The following IQCH variants were observed in gnomAD, a reference collection of about 807,000 sequenced individuals.
The protein encoded by IQCH is IQ motif containing H, also known as IQ domain-containing protein H.
IQCH carries 98 observed loss-of-function variants against 117.0 expected under a neutral mutation model. The observed-to-expected ratio is 0.84, with a 90% CI of 0.71 to 0.99. IQCH has a LOEUF of 0.99. Among genes scored for constraint, IQCH ranks in the 50% least tolerant of loss-of-function variants. IQCH has a pLI of 0.00. For synonymous variants in IQCH, 412 were observed against 448.2 expected, an observed-to-expected ratio of 0.92 and a Z score of 1.02; for missense variants, 1,102 against 1,243.8, an observed-to-expected ratio of 0.89 and a Z score of 1.72.
chr15:67,302,517 A>G (rs1967096488), intron 4 of IQCH, among the ~76,000 whole-genome samples: 2 of 152,166 alleles, frequency 1.3e-5, no homozygotes, highest in South Asian at 4.1e-4. Context: ...CCTTGCCCAG[A>G]TTAAATAAAG....
chr15:67,328,639 A>G (rs1968520063), intron 4 of IQCH, among the ~76,000 whole-genome samples: 1 of 152,196 alleles, frequency 6.6e-6, no homozygotes, highest in Admixed American at 6.5e-5. Flanking sequence ...AGAAATGCAA[A>G]AAAGTGCTAG....
intron 10 of IQCH, among the ~76,000 whole-genome samples, chr15:67,379,708 C>T (rs1256093742): frequency 2.0e-5 from 3 of 152,184 alleles, no homozygotes; most frequent in Admixed American, 1.3e-4. Context: ...CACTTCCCCC[C>T]TCATTCACTG....
chr15:67,489,886 G>T, intron 18 of IQCH, 117 bp from the exon 19 acceptor site: 1 of 787,448 alleles, frequency 1.3e-6, no homozygotes. Context: ...ATATCTGAAG[G>T]TAGCTCTAGA....
chr15:67,275,630 C>A (rs1966090181), intron 3 of IQCH, among the ~76,000 whole-genome samples: 2 of 152,200 alleles, frequency 1.3e-5, no homozygotes, highest in South Asian at 4.2e-4. Context: ...GTAATCTCAG[C>A]ACTTTGGGAG....
chr15:67,339,528 T>C (rs1969046904), intron 5 of IQCH, among the ~76,000 whole-genome samples: 1 of 152,184 alleles, frequency 6.6e-6, no homozygotes, highest in South Asian at 2.1e-4. Context: ...ATAAGAATTA[T>C]TTGCATTATG....
intron 4 of IQCH, among the ~76,000 whole-genome samples, chr15:67,324,566 C>G (rs1968313198): frequency 1.4e-5 from 2 of 146,464 alleles, no homozygotes; most frequent in Non-Finnish European, 3.0e-5. Context: ...GCAAAGATAG[C>G]TCCATTGCAC....
At chr15:67,374,890 C>A (rs1771314828) in intron 10 of IQCH, among the ~76,000 whole-genome samples, 1 of 152,168 alleles carries the variant, frequency 6.6e-6, no homozygotes, top group Admixed American at 6.5e-5. Context: ...AATTGTGGAC[C>A]AGACCTGATA....
Position 67,463,120 on chromosome 15 carries a change from T to G in IQCH, c.2506-2007T>G, listed in dbSNP as rs879838599. ...TACTCAAGTCACTCACTGCTAGATT[T>G]GTTTGACAGGAGTCCACTCTAGGGC... On this transcript the variant is annotated intron_variant, in intron 16 of 20. Transcript: ENST00000335894. The surrounding 1 kb of genome is among the most constrained non-coding windows in gnomAD (Gnocchi z 4.0). Among the ~76,000 whole-genome samples the G allele has an allele frequency of 1.3e-5, 2 of 152,234 alleles. No individual in the cohort carries two copies. The highest frequency in any genetic ancestry group is 1.3e-4 in the Admixed American group (2 of 15,280).
At chr15:67,470,000 A>C (rs2083028378) in intron 17 of IQCH, among the ~76,000 whole-genome samples, 1 of 152,180 alleles carries the variant, frequency 6.6e-6, no homozygotes, top group Non-Finnish European at 1.5e-5. Flanking sequence ...GGCCATAGAG[A>C]AAGCTCTTCT....
At chr15:67,487,269 G>A (rs1008222146) in intron 18 of IQCH, among the ~76,000 whole-genome samples, 2 of 152,142 alleles carry the variant, frequency 1.3e-5, no homozygotes, top group Non-Finnish European at 2.9e-5. Flanking sequence ...GGAGGTAGAG[G>A]TTGCAGTGAG....
chr15:67,318,585 G>A (rs1246708723), intron 4 of IQCH, among the ~76,000 whole-genome samples: 4 of 152,020 alleles, frequency 2.6e-5, no homozygotes, highest in East Asian at 3.8e-4. Flanking sequence ...TAGGCAAAAG[G>A]CCTCTTTTTT....
chr15:67,398,036 C>T (rs1312145307), intron 13 of IQCH, among the ~76,000 whole-genome samples: 2 of 152,124 alleles, frequency 1.3e-5, no homozygotes, highest in Non-Finnish European at 2.9e-5. Context: ...GCAATCTTTA[C>T]AATACTATTG....
rs565313482 is a variant in IQCH at position 67,493,678 on chromosome 15, C to T, written c.2862-580C>T. 1.8e-4 allele frequency among the ~76,000 whole-genome samples: 27 copies of T among 152,266 alleles called. No individual in the cohort carries two copies. Among genetic ancestry groups the T allele is most frequent in the African/African-American group, 5.8e-4 (24 of 41,544 alleles). ...TAAACCATTTTTTTTAATTATTATA[C>T]TTTAAGTTATAGGGTACATGTGCAC... On this transcript the variant is annotated intron_variant, in intron 19 of 20. Coordinates refer to ENST00000335894, the MANE Select transcript of IQCH (RefSeq NM_001031715.3). The surrounding 1 kb of genome is among the most constrained non-coding windows in gnomAD (Gnocchi z 5.1).
chr15:67,354,737 C>T (rs774895293), intron 6 of IQCH, among the ~76,000 whole-genome samples: 14 of 152,264 alleles, frequency 9.2e-5, no homozygotes, highest in South Asian at 6.2e-4. Flanking sequence ...GAATTTGTCT[C>T]GTACACAAGA....
At chr15:67,409,126 A>C (rs2081378738) in intron 14 of IQCH, among the ~76,000 whole-genome samples, 1 of 152,112 alleles carries the variant, frequency 6.6e-6, no homozygotes, top group Non-Finnish European at 1.5e-5. Context: ...TTCTGGGAGT[A>C]GTGTAAACAA....
intron 3 of IQCH, among the ~76,000 whole-genome samples, chr15:67,271,726 G>A (rs1056897353): frequency 6.6e-6 from 1 of 152,084 alleles, no homozygotes; most frequent in Admixed American, 6.5e-5. Context: ...GTTCATAATA[G>A]TCTGTGATAA....
intron 8 of IQCH, among the ~76,000 whole-genome samples, chr15:67,368,881 T>C (rs1970425034): frequency 6.6e-6 from 1 of 152,036 alleles, no homozygotes; most frequent in Admixed American, 6.5e-5. Context: ...TTCTAAATTT[T>C]ATTTATTTAT....
Position 67,356,646 on chromosome 15 carries a change from AT to A in IQCH, c.638-693del, listed in dbSNP as rs113471273. Reference sequence around the variant, plus strand: ...TTTATTCAATTAACCATTTAAATAAATTTTTTGTTCTCTTTCTTGGGCTGAG... The same window carrying A: ...TTTATTCAATTAACCATTTAAATAAATTTTTGTTCTCTTTCTTGGGCTGAG... On this transcript the variant is annotated intron_variant, in intron 6 of 20. Transcript: ENST00000335894. The surrounding 1 kb of genome is among the most constrained non-coding windows in gnomAD (Gnocchi z 5.3). Among the ~76,000 whole-genome samples, 863 of 152,300 alleles carry A rather than the reference AT, an allele frequency of 5.7e-3. 7 individuals carry two copies. The highest frequency in any genetic ancestry group is 0.02 in the African/African-American group (815 of 41,564).
At chr15:67,438,553 C>G (rs372158488) in intron 16 of IQCH, among the ~76,000 whole-genome samples, 318 of 152,284 alleles carry the variant, frequency 2.1e-3, no homozygotes, top group South Asian at 7.0e-3. Context: ...TGAAACAGTA[C>G]CTCATATTTC....
Sources: allele counts gnomAD v4.1 joint callset (sites outside exome capture counted in the v4.1 genomes callset), GRCh38; gene constraint gnomAD v4.1.1; non-coding constraint Gnocchi (gnomAD v3.1); transcripts MANE v1.5; gene names NCBI Gene and HGNC (gene_info 2026-07-23, HGNC 2026-07-21).